Variants in NRG1 observed in about 807,000 individuals in gnomAD.
NRG1 encodes the protein neuregulin 1, also known as pro-neuregulin-1, membrane-bound isoform.
Under a neutral mutation model 63.8 loss-of-function variants are expected in NRG1, and 18 were observed. The observed-to-expected ratio is 0.28, with a 90% CI of 0.19 to 0.42. NRG1 has a LOEUF of 0.42. NRG1 is among the 10% of genes least tolerant of loss of function. NRG1 has a pLI of 1.00. For missense variants in NRG1, 762 were observed against 814.7 expected (o/e 0.94, Z 0.79); for synonymous variants, 302 against 301.3 (o/e 1.00, Z -0.02).
intron 1 of NRG1, among the ~76,000 whole-genome samples, chr8:31,911,056 T>C (rs751080659): frequency 1.3e-5 from 2 of 152,152 alleles, no homozygotes; most frequent in Non-Finnish European, 1.5e-5. Context: ...TCCATCCAAG[T>C]TGTCAGCCAT....
At chr8:31,989,631 T>C (rs1348220177) in intron 1 of NRG1, among the ~76,000 whole-genome samples, 1 of 152,054 alleles carries the variant, frequency 6.6e-6, no homozygotes. Flanking sequence ...TGATTATTTC[T>C]CAATGAAAAA....
At chr8:31,664,105 TG>T (rs898923090) in intron 1 of NRG1, among the ~76,000 whole-genome samples, 1 of 152,166 alleles carries the variant, frequency 6.6e-6, no homozygotes, top group Non-Finnish European at 1.5e-5. Flanking sequence ...TGGTTGTTTT[TG>T]TCTGTCTAGT....
rs534705072 is a variant in NRG1 at position 32,617,856 on chromosome 8, G to A, written c.502+971G>A. ...TTGTCAATCTGTTTAAATAAATCCT[G>A]TTTGATGTTACAGCCTTTCCCTCCA... On this transcript the variant is annotated intron_variant, in intron 5 of 11. Coordinates refer to ENST00000356819, the Ensembl canonical transcript of NRG1. 3.3e-5 allele frequency among the ~76,000 whole-genome samples: 5 copies of A among 152,232 alleles called. No individual in the cohort carries two copies. In the South Asian group the frequency reaches 1.0e-3, roughly 31 times the overall value.
At chr8:32,051,244 A>G (rs1821927222) in intron 1 of NRG1, among the ~76,000 whole-genome samples, 1 of 152,152 alleles carries the variant, frequency 6.6e-6, no homozygotes, top group South Asian at 2.1e-4. Context: ...TTGACTACCA[A>G]TAATGTATAA....
intron 1 of NRG1, among the ~76,000 whole-genome samples, chr8:31,862,935 A>G (rs984997800): frequency 6.6e-6 from 1 of 152,206 alleles, no homozygotes; most frequent in Non-Finnish European, 1.5e-5. Flanking sequence ...AGTGTTGTCT[A>G]TTATATCTGC....
intron 1 of NRG1, among the ~76,000 whole-genome samples, chr8:31,897,840 C>A (rs1327028038): frequency 4.1e-5 from 6 of 145,706 alleles, no homozygotes; most frequent in Non-Finnish European, 7.4e-5. Flanking sequence ...CATGTTGAAA[C>A]CCTATTTCTA....
At chr8:31,993,899 T>C (rs1298284571) in intron 1 of NRG1, among the ~76,000 whole-genome samples, 2 of 151,974 alleles carry the variant, frequency 1.3e-5, no homozygotes, top group African/African-American at 4.8e-5. Flanking sequence ...CCCTACTGAG[T>C]AATTGGCTCC....
intron 1 of NRG1, among the ~76,000 whole-genome samples, chr8:32,236,615 A>C (rs1244870210): frequency 1.3e-5 from 2 of 152,110 alleles, no homozygotes; most frequent in Non-Finnish European, 2.9e-5. Flanking sequence ...GCAGCAATTA[A>C]ATTTGTTTTC....
intron 1 of NRG1, among the ~76,000 whole-genome samples, chr8:31,828,459 G>A (rs563086616): frequency 6.6e-6 from 1 of 152,158 alleles, no homozygotes; most frequent in Non-Finnish European, 1.5e-5. Flanking sequence ...GAACCAAAGA[G>A]CTCTGGGCAC....
At chr8:32,612,922 GACA>G (rs1490325907) in intron 3 of NRG1, among the ~76,000 whole-genome samples, 1 of 151,918 alleles carries the variant, frequency 6.6e-6, no homozygotes. Context: ...TCTAGAGAAG[GACA>G]CACACTTTGT....
Position 32,125,085 on chromosome 8 carries a change from C to T in NRG1, c.38-470743C>T, listed in dbSNP as rs541158409. Among the ~76,000 whole-genome samples, 3 of 151,954 alleles carry T rather than the reference C, an allele frequency of 2.0e-5. No individual in the cohort carries two copies. The South Asian group carries it at 6.2e-4, about 32-fold the overall frequency. On this transcript the variant is annotated intron_variant, in intron 1 of 10. Coordinates refer to the NRG1 transcript ENST00000519301. ...AGGCCCTTTTTGCCTTTCTATCTTC[C>T]AACATGTGAGGACATAGCATTTGCA... is the stretch of plus-strand genomic sequence containing the variant.
chr8:32,521,643 A>G (rs1283756739), intron 1 of NRG1, among the ~76,000 whole-genome samples: 1 of 152,222 alleles, frequency 6.6e-6, no homozygotes, highest in African/African-American at 2.4e-5. Flanking sequence ...TAAGTTAATG[A>G]CCTCAAGCAA....
At chr8:32,284,427 G>T (rs921392003) in intron 1 of NRG1, among the ~76,000 whole-genome samples, 6 of 151,794 alleles carry the variant, frequency 4.0e-5, no homozygotes, top group African/African-American at 1.5e-4. Flanking sequence ...AAATAGTCCT[G>T]AACAAAGTCT....
chr8:32,326,371 G>T (rs1802026814), intron 1 of NRG1, among the ~76,000 whole-genome samples: 1 of 150,138 alleles, frequency 6.7e-6, no homozygotes, highest in Admixed American at 6.6e-5. Context: ...GAGTGTAGTG[G>T]TGCAATCAAA....
At chr8:32,334,921 A>G (rs1803068767) in intron 1 of NRG1, among the ~76,000 whole-genome samples, 1 of 152,208 alleles carries the variant, frequency 6.6e-6, no homozygotes, top group South Asian at 2.1e-4. Context: ...GTCAATAAAC[A>G]AGGCTCAGAG....
chr8:32,770,210 G>A (rs987411622), downstream of NRG1, among the ~76,000 whole-genome samples: 3 of 152,190 alleles, frequency 2.0e-5, no homozygotes, highest in Non-Finnish European at 2.9e-5. Flanking sequence ...AATACAGAGA[G>A]AAATGAACTA....
At chr8:32,737,840 C>T (rs1825475041) in intron 6 of NRG1, among the ~76,000 whole-genome samples, 1 of 151,870 alleles carries the variant, frequency 6.6e-6, no homozygotes, top group African/African-American at 2.4e-5. Flanking sequence ...CCACGCCCAA[C>T]CAGTTTTTTT....
chr8:32,489,832 G>C (rs919879701), intron 1 of NRG1, among the ~76,000 whole-genome samples: 16 of 152,230 alleles, frequency 1.1e-4, no homozygotes, highest in Non-Finnish European at 2.1e-4. Flanking sequence ...ATGTTTCAAG[G>C]CTCTTCCAGA....
intron 1 of NRG1, among the ~76,000 whole-genome samples, chr8:32,074,902 AG>A (rs1158195211): frequency 6.6e-6 from 1 of 152,256 alleles, no homozygotes; most frequent in East Asian, 1.9e-4. Context: ...TTTTAAAAAT[AG>A]ATTTGAAAGG....
Sources: allele counts gnomAD v4.1 joint callset (sites outside exome capture counted in the v4.1 genomes callset), GRCh38; gene constraint gnomAD v4.1.1; transcripts MANE v1.5; gene names NCBI Gene and HGNC (gene_info 2026-07-23, HGNC 2026-07-21).